Variants in CLVS1 observed in about 807,000 individuals in gnomAD.
CLVS1 encodes clavesin-1.
Under a neutral mutation model 33.1 loss-of-function variants are expected in CLVS1, and 10 were observed. The observed-to-expected ratio is 0.30, with a 90% CI of 0.19 to 0.51. CLVS1 has a LOEUF of 0.51. Ranked by LOEUF, CLVS1 falls within the 20% of genes least tolerant of loss-of-function variation. The pLI is 0.97. For synonymous variants in CLVS1, 163 were observed against 166.1 expected (o/e 0.98, Z 0.14); for missense variants, 343 against 433.4 (o/e 0.79, Z 1.85).
intron 2 of CLVS1, among the ~76,000 whole-genome samples, chr8:61,144,099 G>A (rs917322526): frequency 2.0e-5 from 3 of 151,672 alleles, no homozygotes; most frequent in Non-Finnish European, 4.4e-5. Context: ...TGTGCAGAAC[G>A]TGCAGGTTTG....
rs1804668542 is a variant in CLVS1 at position 61,500,638 on chromosome 8, A to AAAT, written c.*1099_*1101dup. On this transcript the variant is annotated 3_prime_UTR_variant, in exon 6 of 6. Coordinates refer to ENST00000325897, the MANE Select transcript of CLVS1 (RefSeq NM_173519.3). The stretch of plus-strand genomic sequence containing the variant: ...ACTCATTCAAAAGAAATCAGACATA[A>AAAT]AATAAACAGACATCATATATGATAT... 7.3e-6 allele frequency: 1 copy of AAAT among 136,992 alleles called. No homozygotes were observed. Among genetic ancestry groups the AAAT allele is most frequent in the Non-Finnish European group, 1.5e-5 (1 of 66,356 alleles). The allele number at this position is 136,992 out of a possible 1,614,324, so 8.5% of individuals were successfully genotyped here. A position where few individuals can be genotyped will look rare whatever the true frequency, so the allele number is the denominator to read the frequency against.
At chr8:61,414,925 T>C (rs1057076631) in intron 3 of CLVS1, among the ~76,000 whole-genome samples, 3 of 152,236 alleles carry the variant, frequency 2.0e-5, no homozygotes, top group Non-Finnish European at 4.4e-5. Context: ...TAACATATTT[T>C]ATAGATTCAT....
At position 61,118,255 on chromosome 8, in the gene CLVS1, TTCTC is replaced by T. The variant is rs998915776; in HGVS notation, c.-242-13511_-242-13508del. Among the ~76,000 whole-genome samples the T allele has an allele frequency of 3.1e-3, 468 of 152,308 alleles. 3 individuals are homozygous for T. Among genetic ancestry groups the T allele is most frequent in the African/African-American group, 9.9e-3 (411 of 41,562 alleles). On this transcript the variant is annotated intron_variant, in intron 1 of 2. Coordinates refer to the CLVS1 transcript ENST00000522621. ...ATTTTTTATTGCGTCTATTAGATTC[TTCTC>T]TCTTTTTTTCTTTATTAGTCTTGCT...
At chr8:61,281,918 A>T (rs1179586750) in intron 2 of CLVS1, among the ~76,000 whole-genome samples, 1 of 152,252 alleles carries the variant, frequency 6.6e-6, no homozygotes, top group Non-Finnish European at 1.5e-5. Context: ...AACTGCAAAG[A>T]TCTTCATATA....
chr8:61,267,452 C>T (rs1027696159), intron 2 of CLVS1, among the ~76,000 whole-genome samples: 5 of 152,078 alleles, frequency 3.3e-5, no homozygotes, highest in Admixed American at 1.3e-4. Flanking sequence ...CATCTATATC[C>T]GTCAACTATT....
chr8:61,406,689 C>A (rs1465393608), intron 3 of CLVS1, among the ~76,000 whole-genome samples: 1 of 151,914 alleles, frequency 6.6e-6, no homozygotes, highest in Non-Finnish European at 1.5e-5. Flanking sequence ...CTCACTGCAA[C>A]CTCCTCCTCC....
intron 3 of CLVS1, among the ~76,000 whole-genome samples, chr8:61,440,558 A>C (rs1816501410): frequency 6.6e-6 from 1 of 152,314 alleles, no homozygotes; most frequent in East Asian, 1.9e-4. Flanking sequence ...ATCTTATTTG[A>C]ATTGTTGAAT....
the CLVS1 span, among the ~76,000 whole-genome samples, chr8:61,018,686 T>C: frequency 1.3e-5 from 2 of 152,248 alleles, no homozygotes; most frequent in Non-Finnish European, 2.9e-5. Context: ...CATCATTCCA[T>C]CTACTGGGCT....
At position 61,360,604 on chromosome 8, in the gene CLVS1, CAGA is replaced by C. The variant is rs1160649140; in HGVS notation, c.456-15995_456-15993del. On this transcript the variant is annotated intron_variant, in intron 2 of 5. Coordinates refer to ENST00000325897, the MANE Select transcript of CLVS1 (RefSeq NM_173519.3). Reference sequence around the variant, plus strand: ...CCAACTTACTGGAGCTACATAAATTCAGAAGAAGTTTCTGTTTTGTTAGATTTC... The same window carrying C: ...CCAACTTACTGGAGCTACATAAATTCAGAAGTTTCTGTTTTGTTAGATTTC... Among the ~76,000 whole-genome samples, 7 of 152,164 alleles carry C rather than the reference CAGA, an allele frequency of 4.6e-5. No individual in the cohort carries two copies. In the East Asian group the frequency reaches 5.8e-4, roughly 13 times the overall value.
intron 2 of CLVS1, among the ~76,000 whole-genome samples, chr8:61,313,283 C>G (rs1349155976): frequency 6.6e-6 from 1 of 152,028 alleles, no homozygotes; most frequent in African/African-American, 2.4e-5. Flanking sequence ...AAAGGGCACA[C>G]CATGTAAGGG....
intron 2 of CLVS1, among the ~76,000 whole-genome samples, chr8:61,256,492 G>A (rs59931211): frequency 0.14 from 21,957 of 152,140 alleles, 3,322 homozygotes; most frequent in East Asian, 0.67. Flanking sequence ...CAGCCTGGAT[G>A]ACAGAGCGAG....
the CLVS1 span, among the ~76,000 whole-genome samples, chr8:60,980,808 TC>T: frequency 0.26 from 39,789 of 151,702 alleles, 6,161 homozygotes; most frequent in Middle Eastern, 0.42. Context: ...AGAGAAAGGG[TC>T]TTTGCAGATG....
intron 5 of CLVS1, among the ~76,000 whole-genome samples, chr8:61,481,520 G>C (rs1346026680): frequency 3.3e-5 from 5 of 152,196 alleles, no homozygotes; most frequent in Non-Finnish European, 7.3e-5. Context: ...TTTTCCAACG[G>C]CCTTAGCAAA....
chr8:60,999,664 T>C, the CLVS1 span, among the ~76,000 whole-genome samples: 18 of 152,182 alleles, frequency 1.2e-4, no homozygotes, highest in Admixed American at 1.0e-3. Context: ...AGAAAATAGA[T>C]AAAAGATGAT....
At chr8:60,978,995 C>CA in the CLVS1 span, among the ~76,000 whole-genome samples, 1 of 152,102 alleles carries the variant, frequency 6.6e-6, no homozygotes, top group African/African-American at 2.4e-5. Context: ...GAGTCACCTA[C>CA]ATACTCTATA....
chr8:61,054,114 T>A (rs143342451), upstream of CLVS1, among the ~76,000 whole-genome samples: 80 of 152,328 alleles, frequency 5.3e-4, no homozygotes, highest in East Asian at 0.015. Flanking sequence ...TCCTCAATAG[T>A]GGGAGTGCAG....
chr8:61,402,358 T>C (rs1310330134), intron 3 of CLVS1, among the ~76,000 whole-genome samples: 1 of 152,064 alleles, frequency 6.6e-6, no homozygotes, highest in Non-Finnish European at 1.5e-5. Flanking sequence ...CTATGACATA[T>C]CTTCCTAGGG....
chr8:61,315,950 A>G (rs779614071), intron 2 of CLVS1, among the ~76,000 whole-genome samples: 5 of 150,620 alleles, frequency 3.3e-5, no homozygotes, highest in Non-Finnish European at 7.4e-5. Flanking sequence ...TCATTGTTCA[A>G]CTCCCACTTA....
At chr8:61,273,301 T>G (rs1196646762) in intron 2 of CLVS1, among the ~76,000 whole-genome samples, 1 of 152,212 alleles carries the variant, frequency 6.6e-6, no homozygotes, top group Non-Finnish European at 1.5e-5. Flanking sequence ...GTTAGGTTGC[T>G]CGGGGGTCAG....
Sources: allele counts gnomAD v4.1 joint callset (sites outside exome capture counted in the v4.1 genomes callset), GRCh38; gene constraint gnomAD v4.1.1; transcripts MANE v1.5; gene names NCBI Gene and HGNC (gene_info 2026-07-23, HGNC 2026-07-21).